The following EFHB variants were observed in gnomAD, a reference collection of about 807,000 sequenced individuals.
EFHB encodes EF-hand domain-containing family member B.
In EFHB, 91 loss-of-function variants were observed where a neutral mutation model predicts 87.2. The ratio of observed to expected loss-of-function variants is 1.04; its 90% CI spans 0.88 to 1.24. EFHB has a LOEUF of 1.24. Among genes scored for constraint, EFHB ranks in the 50% most tolerant of loss-of-function variants. The pLI, the probability that EFHB is intolerant of heterozygous loss-of-function variation, is 0.00. For missense variants in EFHB, 1,084 were observed against 998.8 expected, an observed-to-expected ratio of 1.09 and a Z score of -1.15; for synonymous variants, 325 against 333.6, an observed-to-expected ratio of 0.97 and a Z score of 0.28.
intron 1 of EFHB, among the ~76,000 whole-genome samples, chr3:19,931,089 G>C (rs896860652): frequency 2.6e-5 from 4 of 152,148 alleles, no homozygotes; most frequent in Admixed American, 2.0e-4. Flanking sequence ...CTTAAGCCTG[G>C]GAGGCCGAGT....
chr3:19,913,849 G>C (rs892458617), intron 5 of EFHB, among the ~76,000 whole-genome samples: 1 of 152,124 alleles, frequency 6.6e-6, no homozygotes, highest in African/African-American at 2.4e-5. Flanking sequence ...ATAGACCAAT[G>C]GAACAGAATA....
At chr3:19,893,267 T>G (rs1694365660) in intron 9 of EFHB, among the ~76,000 whole-genome samples, 1 of 152,200 alleles carries the variant, frequency 6.6e-6, no homozygotes, top group East Asian at 1.9e-4. Flanking sequence ...GCCTAGACCT[T>G]TTGTTAGGAA....
At chr3:19,927,811 C>G (rs1285365233) in intron 1 of EFHB, among the ~76,000 whole-genome samples, 2 of 152,116 alleles carry the variant, frequency 1.3e-5, no homozygotes, top group Admixed American at 1.3e-4. Context: ...AATACTTTAC[C>G]ATCCCATCCC....
rs776844113 is a variant in EFHB, at chr3:19,933,991, C to G, written c.28G>C (p.Glu10Gln). The change falls in exon 1 of 13, where the codon GAA becomes CAA. Residue 10 changes from glutamate to glutamine, a missense_variant. Transcript: ENST00000295824. The stretch of plus-strand genomic sequence containing the variant: ...TTGTCTCCTAAATCATCCTTTCCTT[C>G]GTGGGGATGTCCAATCTCCATGTTC... MNMEIGHPH[E>Q]GKDDLGDKRV... The G allele has an allele frequency of 3.3e-5, 53 of 1,608,378 alleles. No homozygotes were observed. The highest frequency in any genetic ancestry group is 4.3e-5 in the Non-Finnish European group (51 of 1,177,026).
Position 19,915,810 on chromosome 3 carries a change from T to C in EFHB, c.1178-397A>G, listed in dbSNP as rs1195626898. Among the ~76,000 whole-genome samples, 3 of 149,376 alleles carry C rather than the reference T, an allele frequency of 2.0e-5. No homozygotes were observed. The East Asian group carries it at 5.9e-4, about 29-fold the overall frequency. ...CAACATGGTGAAACGCCATCTCTAC[T>C]GAAAATACAAAAATTAGCCAGGTGT... On this transcript the variant is annotated intron_variant, in intron 4 of 12. Coordinates refer to ENST00000295824, the MANE Select transcript of EFHB (RefSeq NM_144715.4).
intron 1 of EFHB, among the ~76,000 whole-genome samples, chr3:19,923,884 G>C (rs1225519187): frequency 6.6e-6 from 1 of 152,146 alleles, no homozygotes; most frequent in Non-Finnish European, 1.5e-5. Context: ...TAACTCTTTA[G>C]AATTTAAATA....
chr3:19,943,077 C>A lies in EFHB; in HGVS notation c.-32+3842G>T. On this transcript the variant is annotated intron_variant, in intron 1 of 14. Coordinates refer to the EFHB transcript ENST00000344838. ...ATATCAGACTGGACAACAGCATAATCAAGTCTGTGTCCAATCAGCAATCAG... is the reference window on the plus strand; with the variant it reads ...ATATCAGACTGGACAACAGCATAATAAAGTCTGTGTCCAATCAGCAATCAG... 1.0e-5 allele frequency: 3 copies of A among 288,238 alleles called. No individual in the cohort carries two copies. In the South Asian group the frequency reaches 1.3e-4, roughly 13 times the overall value. 17.9% of individuals were successfully genotyped at this position (288,238 alleles called of 1,614,324 possible). A position where few individuals can be genotyped will look rare whatever the true frequency, so the allele number is the denominator to read the frequency against.
Position 19,941,259 on chromosome 3 carries a change from G to A in EFHB, c.-31-4925C>T, listed in dbSNP as rs536953768. 12 of 287,180 alleles carry A rather than the reference G, an allele frequency of 4.2e-5. No individual in the cohort carries two copies. The South Asian group carries it at 5.1e-4, about 12-fold the overall frequency. 17.8% of individuals were successfully genotyped at this position (287,180 alleles called of 1,614,324 possible). ...GGTCCAGGTGTCACAGAACAGGTCA[G>A]CATTCAGTTCTTCAAATAGGGCATG... On this transcript the variant is annotated intron_variant, in intron 1 of 14. Coordinates refer to the EFHB transcript ENST00000344838.
chr3:19,889,259 G>A (rs1559446949), intron 9 of EFHB, among the ~76,000 whole-genome samples: 1 of 152,172 alleles, frequency 6.6e-6, no homozygotes, highest in Non-Finnish European at 1.5e-5. Context: ...GATTCACTTG[G>A]GAGATGAAGG....
intron 1 of EFHB, chr3:19,946,104 G>A (rs1166152648): frequency 6.6e-6 from 1 of 152,190 alleles, no homozygotes; most frequent in Non-Finnish European, 1.5e-5. Flanking sequence ...CCCGTGGAGG[G>A]TAACGAACAT....
At chr3:19,938,507 C>G (rs1559479482), upstream of EFHB, among the ~76,000 whole-genome samples, 1 of 152,060 alleles carries the variant, frequency 6.6e-6, no homozygotes, top group Non-Finnish European at 1.5e-5. Flanking sequence ...ATTGTAGAAT[C>G]TGGGTGGTAG....
At chr3:19,939,239 C>A (rs1400800711) in intron 1 of EFHB, among the ~76,000 whole-genome samples, 2 of 151,960 alleles carry the variant, frequency 1.3e-5, no homozygotes, top group African/African-American at 4.8e-5. Flanking sequence ...CCCCTGTTGT[C>A]CCCCTTGCTT....
At chr3:19,893,947 C>A (rs764462592) in intron 9 of EFHB, among the ~76,000 whole-genome samples, 7 of 152,176 alleles carry the variant, frequency 4.6e-5, no homozygotes, top group Admixed American at 2.0e-4. Context: ...TTTAAGTTAA[C>A]AATGTTTACA....
chr3:19,929,087 A>G (rs1477010790), intron 1 of EFHB, among the ~76,000 whole-genome samples: 2 of 152,224 alleles, frequency 1.3e-5, no homozygotes, highest in Non-Finnish European at 1.5e-5. Context: ...ATTTATTGCT[A>G]CAATCTTTTA....
chr3:19,941,130 G>T, intron 1 of EFHB: 1 of 379,372 alleles, frequency 2.6e-6, no homozygotes, highest in South Asian at 3.8e-5. Flanking sequence ...AAAAGTCTTG[G>T]AGAAGCTTCT....
chr3:19,915,198 A>G lies in EFHB; in HGVS notation c.1288+105T>C, dbSNP rs1260074837. ...ATGAATAATATTGTATTAGTTACCT[A>G]TTACATGGCAGGCATTTAACTTTAT... On this transcript the variant is annotated intron_variant, in intron 5 of 12. Transcript: ENST00000295824. The G allele has an allele frequency of 4.5e-6, 3 of 670,352 alleles. No individual in the cohort carries two copies. The African/African-American group carries it at 5.5e-5, about 12-fold the overall frequency. The allele number at this position is 670,352 out of a possible 1,614,324, so 41.5% of individuals were successfully genotyped here.
chr3:19,933,548 TAA>T lies in EFHB; in HGVS notation c.469_470del (p.Leu157SerfsTer30). 1 of 1,614,006 alleles carries T rather than the reference TAA, an allele frequency of 6.2e-7. No homozygotes were observed. The highest frequency in any genetic ancestry group is 8.5e-7 in the Non-Finnish European group (1 of 1,179,892). Reference protein sequence around the residue: ...LASGPEGVEELVGKPAFVMEP... With the variant: ...LASGPEGVEEXVGKPAFVMEP... ...CCATAACGAAAGCAGGCTTTCCCAC[TAA>T]TTCCTCTACCCCTTCAGGGCCACTA... On this transcript the variant is annotated frameshift_variant, in exon 1 of 13. Transcript: ENST00000295824. LOFTEE classifies it high-confidence loss of function.
chr3:19,921,642 T>A (rs1031223015), intron 1 of EFHB, among the ~76,000 whole-genome samples: 1 of 152,058 alleles, frequency 6.6e-6, no homozygotes, highest in Non-Finnish European at 1.5e-5. Context: ...TAATGCTGTA[T>A]CTTCAGTAAA....
At chr3:19,897,457 C>T (rs970546633) in intron 8 of EFHB, among the ~76,000 whole-genome samples, 3 of 152,114 alleles carry the variant, frequency 2.0e-5, no homozygotes, top group Non-Finnish European at 4.4e-5. Flanking sequence ...CCAGATGTGG[C>T]GGCTCGGTGG....
Sources: allele counts gnomAD v4.1 joint callset (sites outside exome capture counted in the v4.1 genomes callset), GRCh38; gene constraint gnomAD v4.1.1; transcripts MANE v1.5; gene names NCBI Gene and HGNC (gene_info 2026-07-23, HGNC 2026-07-21).